The following P4HA1 variants were observed in gnomAD, a reference collection of about 807,000 sequenced individuals.
P4HA1 encodes prolyl 4-hydroxylase subunit alpha 1.
In P4HA1, 24 loss-of-function variants were observed where a neutral mutation model predicts 72.8. The observed-to-expected ratio is 0.33, with a 90% CI of 0.24 to 0.46. The LOEUF (loss-of-function observed/expected upper bound fraction) is 0.46. Ranked by LOEUF, P4HA1 falls within the 20% of genes least tolerant of loss-of-function variation. The pLI, the probability that P4HA1 is intolerant of heterozygous loss-of-function variation, is 1.00. For missense variants in P4HA1, 446 were observed against 640.6 expected (o/e 0.70, Z 3.28); for synonymous variants, 201 against 218.8 (o/e 0.92, Z 0.72).
Position 73,069,001 on chromosome 10 carries a change from A to G in P4HA1, c.326-18T>C. The stretch of plus-strand genomic sequence containing the variant: ...GATAAAGCCTTGAAATAGATAAATC[A>G]AAGAAAAAAAAACTGTAGAACCTCA... On this transcript the variant is annotated intron_variant, in intron 4 of 14. Coordinates refer to ENST00000394890, the MANE Select transcript of P4HA1 (RefSeq NM_001017962.3). 1 of 1,581,104 alleles carries G rather than the reference A, an allele frequency of 6.3e-7. No individual in the cohort carries two copies. The highest frequency in any genetic ancestry group is 1.4e-5 in the African/African-American group (1 of 73,430).
At chr10:73,062,823 T>A (rs1392475854) in intron 5 of P4HA1, among the ~76,000 whole-genome samples, 1 of 152,178 alleles carries the variant, frequency 6.6e-6, no homozygotes, top group African/African-American at 2.4e-5. Context: ...TGATCAGACA[T>A]TTGCAGACTA....
intron 1 of P4HA1, among the ~76,000 whole-genome samples, chr10:73,075,382 T>C (rs1439936367): frequency 6.6e-6 from 1 of 152,186 alleles, no homozygotes; most frequent in East Asian, 1.9e-4. Flanking sequence ...GTGCTGGGAT[T>C]ATAAGTGTGA....
Position 73,041,387 on chromosome 10 carries a change from C to CA in P4HA1, c.1148+3593dup, listed in dbSNP as rs1371831256. On this transcript the variant is annotated intron_variant, in intron 9 of 14. Transcript: ENST00000394890. ...GTGAAACCCATCTCTACTAAAAATA[C>CA]AAAAAATTAGCCGGGCAGCAGCGGG... 2.6e-5 allele frequency among the ~76,000 whole-genome samples: 4 copies of CA among 151,848 alleles called. No individual in the cohort carries two copies. The East Asian group carries it at 7.8e-4, about 29-fold the overall frequency.
At chr10:73,009,640 C>A in intron 14 of P4HA1, 167 bp downstream of exon 14, 1 of 510,452 alleles carries the variant, frequency 2.0e-6, no homozygotes, top group South Asian at 3.1e-5. Flanking sequence ...CATCAAAATT[C>A]TGATTTCAAA....
intron 5 of P4HA1, among the ~76,000 whole-genome samples, chr10:73,062,303 A>C (rs1841330316): frequency 6.6e-6 from 1 of 152,146 alleles, no homozygotes; most frequent in Non-Finnish European, 1.5e-5. Context: ...AAAAAGGAGA[A>C]AGTCATGTCC....
At chr10:73,038,665 C>T (rs1321943456) in intron 9 of P4HA1, among the ~76,000 whole-genome samples, 3 of 86,808 alleles carry the variant, frequency 3.5e-5, no homozygotes, top group Admixed American at 1.4e-4. Flanking sequence ...CTCGCTCTGT[C>T]GCCCAGGCTG....
At chr10:73,039,753 C>T (rs1840687982) in intron 9 of P4HA1, among the ~76,000 whole-genome samples, 1 of 151,936 alleles carries the variant, frequency 6.6e-6, no homozygotes, top group African/African-American at 2.4e-5. Flanking sequence ...ATTTGAAATT[C>T]CTTTCTAAAT....
At chr10:73,078,766 C>T (rs1365402263) in intron 1 of P4HA1, among the ~76,000 whole-genome samples, 2 of 151,958 alleles carry the variant, frequency 1.3e-5, no homozygotes, top group African/African-American at 2.4e-5. Context: ...CACCTGCCAA[C>T]ACGCCCAGCT....
At chr10:73,045,105 AT>A in intron 8 of P4HA1, 54 bp from the exon 9 acceptor site, 1 of 1,433,048 alleles carries the variant, frequency 7.0e-7, no homozygotes, top group Admixed American at 1.7e-5. Context: ...ACTGAATCAC[AT>A]TTACCCAACC....
intron 9 of P4HA1, among the ~76,000 whole-genome samples, chr10:73,032,716 T>TA (rs1289807269): frequency 2.0e-5 from 3 of 152,224 alleles, no homozygotes; most frequent in Non-Finnish European, 4.4e-5. Flanking sequence ...AGCTTTCCTT[T>TA]ACCTCTCCCG....
intron 12 of P4HA1, among the ~76,000 whole-genome samples, chr10:73,013,964 A>G (rs1426827502): frequency 6.6e-6 from 1 of 152,154 alleles, no homozygotes; most frequent in Non-Finnish European, 1.5e-5. Context: ...AAACAGAGAG[A>G]CTATATGTTA....
intron 9 of P4HA1, among the ~76,000 whole-genome samples, chr10:73,039,529 G>A (rs1354491972): frequency 2.6e-5 from 4 of 151,876 alleles, no homozygotes; most frequent in Admixed American, 2.6e-4. Flanking sequence ...GAACGGTCTC[G>A]ATCTCCTGAC....
rs1014407648 is a variant in P4HA1, at chr10:73,045,014, T to G, written c.1115A>C (p.Asp372Ala). Residue 372 changes from aspartate (D) to alanine (A), a missense_variant, in exon 9 of 15, where the codon GAC (aspartate) becomes GCC (alanine). Coordinates refer to ENST00000394890, the MANE Select transcript of P4HA1 (RefSeq NM_001017962.3). The part of the protein sequence containing the change: ...RATISNPITG[D>A]LETVHYRISK... ...AATTCTGTAATGTACCGTCTCCAAGTCTCCTGTTATTGGGTTTGAAATGGT... is the reference window on the plus strand; with the variant it reads ...AATTCTGTAATGTACCGTCTCCAAGGCTCCTGTTATTGGGTTTGAAATGGT... 1.2e-6 allele frequency: 2 copies of G among 1,613,576 alleles called. No homozygotes were observed. The highest frequency in any genetic ancestry group is 1.7e-6 in the Non-Finnish European group (2 of 1,179,648).
At chr10:73,081,062 G>C (rs1249497946) in intron 1 of P4HA1, among the ~76,000 whole-genome samples, 1 of 152,068 alleles carries the variant, frequency 6.6e-6, no homozygotes, top group Non-Finnish European at 1.5e-5. Context: ...AAGACATTAT[G>C]ACTTTATCAA....
intron 4 of P4HA1, among the ~76,000 whole-genome samples, chr10:73,069,599 T>C (rs918457637): frequency 2.6e-5 from 4 of 152,184 alleles, no homozygotes; most frequent in Non-Finnish European, 5.9e-5. Flanking sequence ...ATTTACAATA[T>C]ATAAACCTAA....
chr10:73,035,865 TAA>T (rs1840558107), intron 9 of P4HA1, among the ~76,000 whole-genome samples: 1 of 152,242 alleles, frequency 6.6e-6, no homozygotes. Flanking sequence ...TTAAATTTTT[TAA>T]GTTTTTATTT....
At chr10:73,050,584 C>G (rs1309435199) in intron 7 of P4HA1, among the ~76,000 whole-genome samples, 7 of 151,606 alleles carry the variant, frequency 4.6e-5, no homozygotes, top group Admixed American at 4.6e-4. Context: ...CCTGTAATCC[C>G]AGCTACTCAG....
chr10:73,075,645 A>G (rs1051667567), intron 1 of P4HA1, among the ~76,000 whole-genome samples: 2 of 152,056 alleles, frequency 1.3e-5, no homozygotes, highest in African/African-American at 4.8e-5. Flanking sequence ...AAAATGTTAG[A>G]ATACATTTTA....
chr10:73,093,862 A>AT (rs1371399761), intron 1 of P4HA1, among the ~76,000 whole-genome samples: 35 of 73,198 alleles, frequency 4.8e-4, no homozygotes, highest in African/African-American at 2.2e-3. Context: ...AAAAAAAAAA[A>AT]AAAAAAAAAA....
Sources: gnomAD v4.1 joint callset for allele counts (sites outside exome capture counted in the v4.1 genomes callset) on GRCh38, gnomAD v4.1.1 for gene constraint, MANE v1.5 for transcripts, NCBI Gene and HGNC (gene_info 2026-07-23, HGNC 2026-07-21) for gene names.